The following CA7 variants were observed in gnomAD, a reference collection of about 807,000 sequenced individuals.
CA7 encodes carbonate dehydratase VII.
A neutral mutation model predicts 31.4 loss-of-function variants in CA7; 13 were observed. That is an observed-to-expected ratio of 0.41 (90% CI 0.27 to 0.66). The LOEUF (loss-of-function observed/expected upper bound fraction) is 0.66, where lower values mean the gene tolerates loss of function less well. CA7 is among the 30% of genes least tolerant of loss of function. CA7 has a pLI of 0.28. For missense variants in CA7, 215 were observed against 351.0 expected, an observed-to-expected ratio of 0.61 and a Z score of 3.10; for synonymous variants, 128 against 133.2, an observed-to-expected ratio of 0.96 and a Z score of 0.27.
intron 2 of CA7, among the ~76,000 whole-genome samples, chr16:66,849,787 C>T (rs1186705537): frequency 3.9e-5 from 6 of 152,112 alleles, no homozygotes; most frequent in Non-Finnish European, 7.4e-5. Context: ...TGGCCCAGCT[C>T]AAGGGACAGG....
At chr16:66,850,122 C>CAAAAA (rs4000640) in intron 2 of CA7, among the ~76,000 whole-genome samples, 2 of 82,686 alleles carry the variant, frequency 2.4e-5, no homozygotes, top group African/African-American at 4.9e-5. Context: ...GACTCCATCT[C>CAAAAA]AAAAAAAAAA....
rs776229316 is a variant in CA7 at position 66,847,124 on chromosome 16, C to A, written c.135C>A (p.Ser45Arg). The A allele has an allele frequency of 1.2e-6, 2 of 1,614,118 alleles. No individual in the cohort carries two copies. The highest frequency in any genetic ancestry group is 1.7e-5 in the Admixed American group (1 of 60,010). Residue 45 changes from serine (S) to arginine (R), a missense_variant, in exon 2 of 7, where the codon AGC (serine) becomes AGA (arginine). Physicochemically the swap from Ser to Arg is moderately radical, Grantham distance 110. Transcript: ENST00000338437. Reference protein sequence around the residue: ...IISSQAVYSPSLQPLELSYEA... With the variant: ...IISSQAVYSPRLQPLELSYEA... ...CCAGCCAGGCTGTGTACTCTCCCAG[C>A]CTGCAACCACTGGAGCTTTCCTATG...
chr16:66,846,393 A>G (rs1311774508), intron 1 of CA7, among the ~76,000 whole-genome samples: 2 of 152,186 alleles, frequency 1.3e-5, no homozygotes, highest in Non-Finnish European at 2.9e-5. Context: ...TAATGTGTTC[A>G]TAGGAAGATC....
rs1961029232 is a variant in CA7 at position 66,850,793 on chromosome 16, A to G, written c.357+134A>G. 4 of 669,212 alleles carry G rather than the reference A, an allele frequency of 6.0e-6. No homozygotes were observed. In the South Asian group the frequency reaches 6.6e-5, roughly 11 times the overall value. 41.5% of individuals were successfully genotyped at this position (669,212 alleles called of 1,614,324 possible). ...GGAGCACCCGGGGCCTTTGGGAGAG[A>G]TATTTTCTACCCACCCCCAGCACAG... is the stretch of plus-strand genomic sequence containing the variant. On this transcript the variant is annotated intron_variant, in intron 3 of 6. Transcript: ENST00000338437.
In CA7 at chr16:66,853,029, G is replaced by A. The variant is rs1961098441; in HGVS notation, c.672+162G>A. ...TAGATTCTTGGTTGGGAGTTAGCTT[G>A]ATTGTTAATCACCAGAACCTAGACA... On this transcript the variant is annotated intron_variant, in intron 6 of 6. Transcript: ENST00000338437. The surrounding 1 kb of genome is among the most constrained non-coding windows in gnomAD (Gnocchi z 4.5). 6.6e-6 allele frequency among the ~76,000 whole-genome samples: 1 copy of A among 152,210 alleles called. No individual in the cohort carries two copies. Among genetic ancestry groups the A allele is most frequent in the Non-Finnish European group, 1.5e-5 (1 of 68,036 alleles).
intron 1 of CA7, among the ~76,000 whole-genome samples, chr16:66,846,428 T>C (rs549098302): frequency 2.0e-5 from 3 of 152,260 alleles, no homozygotes; most frequent in South Asian, 2.1e-4. Context: ...GGCACACACA[T>C]TGGGAGGGCA....
At position 66,853,452 on chromosome 16, in the gene CA7, C is replaced by A; in HGVS notation, c.749C>A (p.Pro250Gln). 1 of 1,614,190 alleles carries A rather than the reference C, an allele frequency of 6.2e-7. No homozygotes were observed. The highest frequency in any genetic ancestry group is 8.5e-7 in the Non-Finnish European group (1 of 1,180,032). ...RIHMVNNFRP[P>Q]QPLKGRVVKA... ...CACATGGTGAACAACTTCCGGCCAC[C>A]ACAGCCACTGAAGGGCCGCGTGGTA... Residue 250 changes from proline (P) to glutamine (Q), a missense_variant, in exon 7 of 7, where the codon CCA becomes CAA. Physicochemically the swap from Pro to Gln is moderately conservative, Grantham distance 76 (BLOSUM62 -1). Transcript: ENST00000338437. The surrounding 1 kb of genome is among the most constrained non-coding windows in gnomAD (Gnocchi z 4.5).
chr16:66,845,185 AT>A, intron 1 of CA7: 1 of 985,534 alleles, frequency 1.0e-6, no homozygotes, highest in Non-Finnish European at 1.2e-6. Context: ...GAGCTCCTTC[AT>A]CCTGCCTCAG....
chr16:66,847,990 G>A (rs1174744576), intron 2 of CA7, among the ~76,000 whole-genome samples: 5 of 152,330 alleles, frequency 3.3e-5, no homozygotes, highest in South Asian at 2.1e-4. Flanking sequence ...GGAATGGGGC[G>A]AGGAAGAAAC....
In CA7 at chr16:66,850,666, G is replaced by A. The variant is rs1487432802; in HGVS notation, c.357+7G>A. ...CAAGTCCTTCCCCAGCGAGGTACGG[G>A]CCCTCCTCCACTTGAATCCCTCTGC... On this transcript the variant is annotated splice_region_variant and intron_variant, in intron 3 of 6. Coordinates refer to ENST00000338437, the MANE Select transcript of CA7 (RefSeq NM_005182.3). The A allele has an allele frequency of 4.4e-6, 7 of 1,576,410 alleles. No homozygotes were observed. The highest frequency in any genetic ancestry group is 1.3e-5 in the African/African-American group (1 of 74,326).
rs376555362 is a variant in CA7, at chr16:66,851,457, C to G, written c.358-6C>G. On this transcript the variant is annotated splice_polypyrimidine_tract_variant and splice_region_variant and intron_variant, in intron 3 of 6. Coordinates refer to ENST00000338437, the MANE Select transcript of CA7 (RefSeq NM_005182.3). ...CACGAAGCATTGGCCTGTTGTTGCC[C>G]CATAGCTGCATCTGGTTCACTGGAA... is the stretch of plus-strand genomic sequence containing the variant. 1.9e-6 allele frequency: 3 copies of G among 1,613,570 alleles called. No homozygotes were observed. Among genetic ancestry groups the G allele is most frequent in the African/African-American group, 1.3e-5 (1 of 74,946 alleles).
At position 66,850,810 on chromosome 16, in the gene CA7, C is replaced by G. The variant is rs1961029594; in HGVS notation, c.357+151C>G. On this transcript the variant is annotated intron_variant, in intron 3 of 6. Transcript: ENST00000338437. ...TGGGAGAGATATTTTCTACCCACCC[C>G]CAGCACAGGGTCTTCCATCTGACCC... 2.9e-5 allele frequency: 19 copies of G among 644,648 alleles called. No homozygotes were observed. The South Asian group carries it at 3.3e-4, about 11-fold the overall frequency. 39.9% of individuals were successfully genotyped at this position (644,648 alleles called of 1,614,324 possible).
In CA7 at chr16:66,844,497, C is replaced by T; in HGVS notation, c.10C>T (p.His4Tyr). MTG[H>Y]HGWGYGQDDG... The stretch of plus-strand genomic sequence containing the variant: ...CGGGGACGGCAGCGGCATGACCGGC[C>T]ACCACGGCTGGGGCTACGGCCAGGA... Residue 4 changes from histidine to tyrosine, a missense_variant, in exon 1 of 7, where the codon CAC becomes TAC. Physicochemically the swap from His to Tyr is moderately conservative, Grantham distance 83. Transcript: ENST00000338437. The T allele has an allele frequency of 1.3e-6, 2 of 1,543,126 alleles. No individual in the cohort carries two copies. The highest frequency in any genetic ancestry group is 1.7e-6 in the Non-Finnish European group (2 of 1,144,136).
At position 66,853,018 on chromosome 16, in the gene CA7, G is replaced by A; in HGVS notation, c.672+151G>A. On this transcript the variant is annotated intron_variant, in intron 6 of 6. Transcript: ENST00000338437. The surrounding 1 kb of genome is among the most constrained non-coding windows in gnomAD (Gnocchi z 4.5). ...TAATAAATGTATAGATTCTTGGTTG[G>A]GAGTTAGCTTGATTGTTAATCACCA... The A allele has an allele frequency of 2.6e-6, 2 of 769,230 alleles. No individual in the cohort carries two copies. Among genetic ancestry groups the A allele is most frequent in the Non-Finnish European group, 4.0e-6 (2 of 501,632 alleles). 47.7% of individuals were successfully genotyped at this position (769,230 alleles called of 1,614,324 possible). A position where few individuals can be genotyped will look rare whatever the true frequency, so the allele number is the denominator to read the frequency against.
chr16:66,849,094 T>A (rs369302464), intron 2 of CA7, among the ~76,000 whole-genome samples: 1 of 151,906 alleles, frequency 6.6e-6, no homozygotes, highest in East Asian at 2.0e-4. Context: ...GAGCCTGGGG[T>A]GTTATCTGAT....
chr16:66,846,559 G>C (rs1388053648), intron 1 of CA7, among the ~76,000 whole-genome samples: 1 of 152,164 alleles, frequency 6.6e-6, no homozygotes. Context: ...TATTTCACAA[G>C]GTGGTTGTGA....
intron 2 of CA7, among the ~76,000 whole-genome samples, chr16:66,850,337 G>T (rs1009210709): frequency 6.6e-6 from 1 of 151,948 alleles, no homozygotes; most frequent in Non-Finnish European, 1.5e-5. Context: ...CTACTCGGGG[G>T]GGCCAAGACA....
intron 2 of CA7, among the ~76,000 whole-genome samples, chr16:66,849,422 T>C (rs890997287): frequency 9.9e-5 from 15 of 152,158 alleles, no homozygotes; most frequent in African/African-American, 3.6e-4. Flanking sequence ...GGCTTGGGCT[T>C]TGGACATAAG....
intron 2 of CA7, 109 bp from the exon 3 acceptor site, chr16:66,850,432 C>A: frequency 1.4e-6 from 1 of 734,856 alleles, no homozygotes; most frequent in South Asian, 1.5e-5. Context: ...CAGAGCGAGA[C>A]CCTGACTCAA....
Sources: gnomAD v4.1 joint callset for allele counts (sites outside exome capture counted in the v4.1 genomes callset) on GRCh38, gnomAD v4.1.1 for gene constraint, Gnocchi (gnomAD v3.1) non-coding constraint, MANE v1.5 for transcripts, NCBI Gene and HGNC (gene_info 2026-07-23, HGNC 2026-07-21) for gene names.